The following NFX1 variants were observed in gnomAD, a reference collection of about 807,000 sequenced individuals.
NFX1 encodes nuclear transcription factor, X-box binding 1.
A neutral mutation model predicts 137.2 loss-of-function variants in NFX1; 69 were observed. That is an observed-to-expected ratio of 0.50 (90% confidence interval 0.41 to 0.61). The LOEUF (loss-of-function observed/expected upper bound fraction) is 0.61. Ranked by LOEUF, NFX1 falls within the 20% of genes least tolerant of loss-of-function variation. The pLI, the probability that NFX1 is intolerant of heterozygous loss-of-function variation, is 0.00. For synonymous variants in NFX1, 495 were observed against 474.1 expected (o/e 1.04, Z -0.57); for missense variants, 1,167 against 1,391.0 (o/e 0.84, Z 2.56).
intron 12 of NFX1, among the ~76,000 whole-genome samples, chr9:33,339,787 A>C (rs1449448546): frequency 2.6e-5 from 4 of 152,224 alleles, no homozygotes; most frequent in Non-Finnish European, 5.9e-5. Context: ...GCCAAAACAA[A>C]GGGGCTACAG....
chr9:33,367,711 G>T, intron 23 of NFX1, 92 bp downstream of exon 23: 5 of 1,170,450 alleles, frequency 4.3e-6, no homozygotes, highest in Non-Finnish European at 5.0e-6. Flanking sequence ...GCCATTGGTG[G>T]CCTCCTCAGG....
chr9:33,291,357 G>A (rs750655337), intron 1 of NFX1, among the ~76,000 whole-genome samples: 1 of 152,196 alleles, frequency 6.6e-6, no homozygotes, highest in East Asian at 1.9e-4. Context: ...CAGTGAGGTT[G>A]GTTGGTTTGT....
chr9:33,358,647 A>ATTTTTTTTTTTTTTTTTTT lies in NFX1; in HGVS notation c.2873+3770_2873+3788dup, dbSNP rs61589629. On this transcript the variant is annotated intron_variant, in intron 19 of 23. Coordinates refer to ENST00000379540, the MANE Select transcript of NFX1 (RefSeq NM_002504.6). ...GCAAAAAAATTCTGTGAATGGCTTG[A>ATTTTTTTTTTTTTTTTTTT]TTTTTTTTTTTTTTTTTTTTTTTTT... is the stretch of plus-strand genomic sequence containing the variant. Among the ~76,000 whole-genome samples, 3 of 48,472 alleles carry ATTTTTTTTTTTTTTTTTTT rather than the reference A, an allele frequency of 6.2e-5. 1 individual carries two copies. Among genetic ancestry groups the ATTTTTTTTTTTTTTTTTTT allele is most frequent in the Non-Finnish European group, 1.1e-4 (3 of 28,230 alleles). The allele number at this position is 48,472 out of a possible 152,430, so 31.8% of individuals were successfully genotyped here. A position where few individuals can be genotyped will look rare whatever the true frequency, so the allele number is the denominator to read the frequency against.
chr9:33,353,745 A>G (rs1332116700), intron 17 of NFX1, among the ~76,000 whole-genome samples: 8 of 147,282 alleles, frequency 5.4e-5, no homozygotes, highest in Middle Eastern at 3.5e-3. Flanking sequence ...CTAGAGTGCA[A>G]TGGTGCAATC....
At chr9:33,322,691 C>G (rs1822431761) in intron 9 of NFX1, among the ~76,000 whole-genome samples, 1 of 152,152 alleles carries the variant, frequency 6.6e-6, no homozygotes, top group Admixed American at 6.5e-5. Flanking sequence ...ACTATCCCAC[C>G]CAGCACCCAG....
chr9:33,315,787 G>T (rs535723232), intron 7 of NFX1, among the ~76,000 whole-genome samples: 104 of 152,032 alleles, frequency 6.8e-4, no homozygotes, highest in African/African-American at 2.4e-3. Context: ...AGCTACTTGG[G>T]AGGCTGAGGT....
At chr9:33,344,959 C>T (rs1337918174) in intron 14 of NFX1, among the ~76,000 whole-genome samples, 8 of 151,502 alleles carry the variant, frequency 5.3e-5, no homozygotes, top group Non-Finnish European at 1.2e-4. Flanking sequence ...GTCAGGAGTT[C>T]GAGACCACTC....
At chr9:33,301,558 G>A in intron 3 of NFX1, 137 bp downstream of exon 3, 3 of 790,942 alleles carry the variant, frequency 3.8e-6, no homozygotes, top group Non-Finnish European at 5.7e-6. Flanking sequence ...CCTTGATCAT[G>A]TGTTTCATAT....
chr9:33,303,234 T>C lies in NFX1; in HGVS notation c.1236T>C (p.Ser412=). 6.2e-7 allele frequency: 1 copy of C among 1,614,210 alleles called. No homozygotes were observed. Among genetic ancestry groups the C allele is most frequent in the Non-Finnish European group, 8.5e-7 (1 of 1,180,034 alleles). The change falls in exon 4 of 24, where the codon TCT becomes TCC. Residue 412 remains serine (S), a synonymous_variant. Coordinates refer to ENST00000379540, the MANE Select transcript of NFX1 (RefSeq NM_002504.6). The part of the protein sequence containing the change: ...GWRCPACQNV[S]AHVPNTYTCF... ...GGTGCCCTGCCTGTCAGAATGTTTC[T>C]GCACATGTTCCTAATACCTACACTT...
intron 14 of NFX1, among the ~76,000 whole-genome samples, chr9:33,346,016 A>G (rs1564137897): frequency 6.6e-6 from 1 of 152,230 alleles, no homozygotes; most frequent in Admixed American, 6.5e-5. Context: ...TATGATTCAG[A>G]CTTAAAACTA....
intron 20 of NFX1, among the ~76,000 whole-genome samples, chr9:33,364,458 A>AT (rs1824110250): frequency 6.6e-6 from 1 of 152,184 alleles, no homozygotes; most frequent in Non-Finnish European, 1.5e-5. Flanking sequence ...AGTTGGAGCT[A>AT]TAACAGCTCT....
chr9:33,353,938 C>T, intron 17 of NFX1, 148 bp from the exon 18 acceptor site: 1 of 613,600 alleles, frequency 1.6e-6, no homozygotes, highest in Non-Finnish European at 2.7e-6. Flanking sequence ...GATCCACCTG[C>T]CTTGGTTTCC....
In NFX1 at chr9:33,364,030, A is replaced by G. The variant is rs1564151299; in HGVS notation, c.2894A>G (p.His965Arg). The change falls in exon 20 of 24, where the codon CAT becomes CGT. Residue 965 changes from histidine (H) to arginine (R), a missense_variant. Physicochemically the swap from His to Arg is conservative, Grantham distance 29. Transcript: ENST00000379540. ...ERKKRLAEAF[H>R]ISEDSDPFNI... The stretch of plus-strand genomic sequence containing the variant: ...TTCAGGAGATTAGCAGAGGCATTTC[A>G]TATCAGTGAGGATTCTGATCCTTTC... 1.3e-6 allele frequency: 2 copies of G among 1,590,392 alleles called. No individual in the cohort carries two copies. The highest frequency in any genetic ancestry group is 1.7e-6 in the Non-Finnish European group (2 of 1,169,598).
chr9:33,301,214 G>GT (rs1415220144), intron 2 of NFX1, 49 bp from the exon 3 acceptor site: 3 of 1,548,276 alleles, frequency 1.9e-6, no homozygotes, highest in Non-Finnish European at 2.7e-6. Context: ...GTGAGGAATG[G>GT]TTTTTTGTGT....
At chr9:33,305,627 A>G (rs1199414479) in intron 4 of NFX1, among the ~76,000 whole-genome samples, 1 of 152,204 alleles carries the variant, frequency 6.6e-6, no homozygotes, top group African/African-American at 2.4e-5. Flanking sequence ...ATCCAGATGA[A>G]GAGTAGTACA....
At chr9:33,327,203 T>C (rs1822626020) in intron 9 of NFX1, among the ~76,000 whole-genome samples, 1 of 152,198 alleles carries the variant, frequency 6.6e-6, no homozygotes, top group South Asian at 2.1e-4. Flanking sequence ...TTATTTATTT[T>C]TTATAGAGGT....
At chr9:33,332,525 G>A in intron 11 of NFX1, 23 bp downstream of exon 11, 1 of 1,525,662 alleles carries the variant, frequency 6.6e-7, no homozygotes, top group Non-Finnish European at 8.9e-7. Context: ...TGGGGCATGA[G>A]GGAATTTCTG....
At chr9:33,332,115 TTC>T (rs1423388554) in intron 10 of NFX1, among the ~76,000 whole-genome samples, 3 of 152,248 alleles carry the variant, frequency 2.0e-5, no homozygotes, top group Admixed American at 2.0e-4. Flanking sequence ...TTATGGCTTT[TTC>T]TGTCTGTACC....
chr9:33,311,280 GTAGGCATGAA>G, intron 6 of NFX1, 103 bp downstream of exon 6: 4 of 1,084,090 alleles, frequency 3.7e-6, no homozygotes, highest in Non-Finnish European at 5.6e-6. Context: ...CAAATAAATG[GTAGGCATGAA>G]TAGTACTTTT....
Sources: gnomAD v4.1 joint callset for allele counts (sites outside exome capture counted in the v4.1 genomes callset) on GRCh38, gnomAD v4.1.1 for gene constraint, MANE v1.5 for transcripts, NCBI Gene and HGNC (gene_info 2026-07-23, HGNC 2026-07-21) for gene names.